The following ST6GALNAC5 variants were observed in gnomAD, a reference collection of about 807,000 sequenced individuals.
The protein encoded by ST6GALNAC5 is alpha-N-acetylgalactosaminide alpha-2,6-sialyltransferase 5.
Under a neutral mutation model 33.6 loss-of-function variants are expected in ST6GALNAC5, and 27 were observed. The observed-to-expected ratio is 0.80, with a 90% CI of 0.59 to 1.11. ST6GALNAC5 has a LOEUF of 1.11. ST6GALNAC5 is among the 50% of genes least tolerant of loss of function. ST6GALNAC5 has a pLI of 0.00. For missense variants in ST6GALNAC5, 428 were observed against 454.0 expected (o/e 0.94, Z 0.52); for synonymous variants, 194 against 171.2 (o/e 1.13, Z -1.04).
At chr1:76,910,426 G>A (rs1403278429) in intron 2 of ST6GALNAC5, among the ~76,000 whole-genome samples, 1 of 151,926 alleles carries the variant, frequency 6.6e-6, no homozygotes, top group East Asian at 1.9e-4. Context: ...AATTTCAGGG[G>A]AAAGCGTTTT....
intron 2 of ST6GALNAC5, among the ~76,000 whole-genome samples, chr1:77,026,713 C>G (rs1251345333): frequency 6.6e-6 from 1 of 152,232 alleles, no homozygotes; most frequent in Non-Finnish European, 1.5e-5. Context: ...AGTAGAGATT[C>G]AGCCTCATTA....
At chr1:77,029,610 C>G (rs764218701) in intron 2 of ST6GALNAC5, among the ~76,000 whole-genome samples, 8 of 152,194 alleles carry the variant, frequency 5.3e-5, no homozygotes, top group Non-Finnish European at 8.8e-5. Context: ...CAGCCACTTC[C>G]ATCTGTGACT....
chr1:76,957,390 A>G (rs1648045685), intron 2 of ST6GALNAC5, among the ~76,000 whole-genome samples: 1 of 152,132 alleles, frequency 6.6e-6, no homozygotes, highest in Admixed American at 6.5e-5. Flanking sequence ...TAAGGAATGC[A>G]ATTGTATTGG....
intron 2 of ST6GALNAC5, among the ~76,000 whole-genome samples, chr1:76,976,670 G>A (rs1018815368): frequency 6.6e-6 from 1 of 151,990 alleles, no homozygotes; most frequent in African/African-American, 2.4e-5. Flanking sequence ...ATTTTATCTA[G>A]GTTTTGTATA....
Position 76,954,784 on chromosome 1 carries a change from T to G in ST6GALNAC5, c.261+86042T>G, listed in dbSNP as rs865879486. 4.6e-5 allele frequency among the ~76,000 whole-genome samples: 7 copies of G among 152,272 alleles called. No homozygotes were observed. The South Asian group carries it at 1.5e-3, about 32-fold the overall frequency. Reference sequence around the variant, plus strand: ...CTAATTGGGTGGCCAGGAAGCTTAGTAGAATAATCATGGCCTCTGTGGTCA... The same window carrying G: ...CTAATTGGGTGGCCAGGAAGCTTAGGAGAATAATCATGGCCTCTGTGGTCA... On this transcript the variant is annotated intron_variant, in intron 2 of 4. Coordinates refer to ENST00000477717, the MANE Select transcript of ST6GALNAC5 (RefSeq NM_030965.3).
At chr1:76,914,192 A>T (rs1646943965) in intron 2 of ST6GALNAC5, among the ~76,000 whole-genome samples, 1 of 152,170 alleles carries the variant, frequency 6.6e-6, no homozygotes. Context: ...ATCAAAGAGG[A>T]TACAAACAAA....
chr1:76,891,215 A>G (rs1020105333), intron 2 of ST6GALNAC5, among the ~76,000 whole-genome samples: 1 of 152,154 alleles, frequency 6.6e-6, no homozygotes, highest in Non-Finnish European at 1.5e-5. Context: ...AGAAGAGGAG[A>G]GTAGGACACA....
At chr1:76,942,588 G>C (rs1330481950) in intron 2 of ST6GALNAC5, among the ~76,000 whole-genome samples, 2 of 152,058 alleles carry the variant, frequency 1.3e-5, no homozygotes, top group Non-Finnish European at 2.9e-5. Flanking sequence ...GGCCCTTCTG[G>C]AGCTCTAAGC....
At chr1:76,985,731 G>T (rs893498783) in intron 2 of ST6GALNAC5, among the ~76,000 whole-genome samples, 8 of 152,120 alleles carry the variant, frequency 5.3e-5, no homozygotes, top group Non-Finnish European at 8.8e-5. Flanking sequence ...AAAGCTGGAG[G>T]CATCATGCTA....
intron 2 of ST6GALNAC5, among the ~76,000 whole-genome samples, chr1:76,896,669 G>C (rs989227672): frequency 3.3e-5 from 5 of 152,124 alleles, no homozygotes; most frequent in African/African-American, 9.7e-5. Context: ...ATTGAAGTCC[G>C]GGCCAGGAAC....
At chr1:76,997,596 A>C (rs951770162) in intron 2 of ST6GALNAC5, among the ~76,000 whole-genome samples, 1 of 152,212 alleles carries the variant, frequency 6.6e-6, no homozygotes, top group African/African-American at 2.4e-5. Flanking sequence ...TGTGGGTATC[A>C]TGTCAAGATC....
At chr1:77,054,684 C>T (rs1449978000) in intron 4 of ST6GALNAC5, among the ~76,000 whole-genome samples, 7 of 152,154 alleles carry the variant, frequency 4.6e-5, no homozygotes, top group East Asian at 3.9e-4. Flanking sequence ...CCAAGCAATC[C>T]GTGAGTGCCT....
intron 2 of ST6GALNAC5, among the ~76,000 whole-genome samples, chr1:77,000,411 G>A (rs1197160518): frequency 2.4e-4 from 30 of 126,692 alleles, no homozygotes; most frequent in African/African-American, 6.9e-4. Context: ...AGATGAGTAG[G>A]TTGCGAAAAT....
At chr1:77,059,476 A>C (rs1652505284) in intron 4 of ST6GALNAC5, among the ~76,000 whole-genome samples, 2 of 152,192 alleles carry the variant, frequency 1.3e-5, no homozygotes, top group Non-Finnish European at 2.9e-5. Flanking sequence ...TGCATTACTG[A>C]GAAGGATACC....
intron 2 of ST6GALNAC5, chr1:76,869,082 G>T (rs1224032118): frequency 8.0e-6 from 2 of 248,830 alleles, no homozygotes; most frequent in Non-Finnish European, 1.5e-5. Context: ...CCGCCGAGTC[G>T]CTGCCTGGTG....
intron 2 of ST6GALNAC5, among the ~76,000 whole-genome samples, chr1:77,036,640 C>T (rs1208249221): frequency 6.6e-6 from 1 of 152,180 alleles, no homozygotes; most frequent in East Asian, 1.9e-4. Flanking sequence ...ACACTTAAAA[C>T]ACAATAAACA....
At chr1:76,996,711 G>C (rs1316710463) in intron 2 of ST6GALNAC5, among the ~76,000 whole-genome samples, 2 of 152,162 alleles carry the variant, frequency 1.3e-5, no homozygotes, top group Non-Finnish European at 2.9e-5. Flanking sequence ...ATGTACAGTT[G>C]GAAGGAGGCT....
intron 2 of ST6GALNAC5, among the ~76,000 whole-genome samples, chr1:76,951,594 C>G (rs1310792654): frequency 6.6e-6 from 1 of 151,960 alleles, no homozygotes; most frequent in Non-Finnish European, 1.5e-5. Flanking sequence ...TGTAACAAAC[C>G]TGCACATGTA....
chr1:76,915,581 A>G (rs1334810019), intron 2 of ST6GALNAC5, among the ~76,000 whole-genome samples: 2 of 152,010 alleles, frequency 1.3e-5, no homozygotes, highest in African/African-American at 4.8e-5. Flanking sequence ...TTCTCAGTAA[A>G]CTATCACAAG....
Sources: allele counts gnomAD v4.1 joint callset (sites outside exome capture counted in the v4.1 genomes callset), GRCh38; gene constraint gnomAD v4.1.1; transcripts MANE v1.5; gene names NCBI Gene and HGNC (gene_info 2026-07-23, HGNC 2026-07-21).